Variants in MSR1 observed in about 807,000 individuals in gnomAD.
MSR1 encodes macrophage scavenger receptor 1.
MSR1 carries 53 observed loss-of-function variants against 47.2 expected under a neutral mutation model. The observed-to-expected ratio is 1.12, with a 90% confidence interval of 0.90 to 1.41. The LOEUF is 1.41. Among genes scored for constraint, MSR1 ranks in the 40% most tolerant of loss-of-function variants. The pLI, the probability that MSR1 is intolerant of heterozygous loss-of-function variation, is 0.00. For missense variants in MSR1, 786 were observed against 546.9 expected, an observed-to-expected ratio of 1.44 and a Z score of -4.36; for synonymous variants, 239 against 185.6, an observed-to-expected ratio of 1.29 and a Z score of -2.34.
chr8:16,152,190 T>A (rs1461994941), intron 6 of MSR1, among the ~76,000 whole-genome samples: 2 of 152,078 alleles, frequency 1.3e-5, no homozygotes, highest in African/African-American at 4.8e-5. Context: ...CAGTTAGCAG[T>A]GACATTTTTT....
intron 8 of MSR1, among the ~76,000 whole-genome samples, chr8:16,121,764 A>G (rs1585137198): frequency 6.6e-6 from 1 of 152,022 alleles, no homozygotes; most frequent in East Asian, 1.9e-4. Flanking sequence ...AATTTTCATA[A>G]CAAAAATATC....
chr8:16,129,175 TAAA>T (rs1208153335), intron 8 of MSR1, among the ~76,000 whole-genome samples: 2 of 152,092 alleles, frequency 1.3e-5, no homozygotes, highest in Non-Finnish European at 1.5e-5. Context: ...TTCTAGGAAA[TAAA>T]AATGCAGAAT....
At chr8:16,166,699 CCT>C (rs1801321750) in intron 4 of MSR1, among the ~76,000 whole-genome samples, 1 of 152,000 alleles carries the variant, frequency 6.6e-6, no homozygotes, top group Non-Finnish European at 1.5e-5. Context: ...AAATGCCACC[CCT>C]GTCTTTCATT....
intron 6 of MSR1, among the ~76,000 whole-genome samples, chr8:16,153,149 GC>G (rs1800907097): frequency 6.6e-6 from 1 of 152,002 alleles, no homozygotes; most frequent in African/African-American, 2.4e-5. Flanking sequence ...ACTTGGTCAA[GC>G]TGAGTTTAGT....
At position 16,122,171 on chromosome 8, in the gene MSR1, G is replaced by A. The variant is rs905835927; in HGVS notation, c.1034-1565C>T. ...GGATAAGTCCTTCTTCACTTAATAAGCATAAGTTAAAAACACTTTAAAACA... is the reference window on the plus strand; with the variant it reads ...GGATAAGTCCTTCTTCACTTAATAAACATAAGTTAAAAACACTTTAAAACA... On this transcript the variant is annotated intron_variant, in intron 8 of 9. Transcript: ENST00000262101. Among the ~76,000 whole-genome samples, 9 of 151,886 alleles carry A rather than the reference G, an allele frequency of 5.9e-5. 1 individual carries two copies. The highest frequency in any genetic ancestry group is 2.2e-4 in the African/African-American group (9 of 41,344).
chr8:16,151,821 T>C (rs925867387), intron 6 of MSR1, among the ~76,000 whole-genome samples: 26 of 152,152 alleles, frequency 1.7e-4, no homozygotes, highest in African/African-American at 6.0e-4. Context: ...TCCTGCAAAG[T>C]AGCAGACTGG....
intron 8 of MSR1, among the ~76,000 whole-genome samples, chr8:16,127,807 A>G (rs752967274): frequency 1.3e-5 from 2 of 152,156 alleles, no homozygotes; most frequent in Non-Finnish European, 2.9e-5. Flanking sequence ...AATAGACTCT[A>G]TTTTGTGATT....
chr8:16,146,220 G>T (rs549600763), intron 7 of MSR1, among the ~76,000 whole-genome samples: 2 of 152,016 alleles, frequency 1.3e-5, no homozygotes, highest in East Asian at 3.9e-4. Flanking sequence ...CCTAAGCCTT[G>T]TGCTTCTTCC....
chr8:16,153,775 AG>A (rs1800924780), intron 6 of MSR1, among the ~76,000 whole-genome samples: 4 of 151,958 alleles, frequency 2.6e-5, no homozygotes, highest in African/African-American at 4.8e-5. Context: ...GCCTGTATGG[AG>A]GGGGTGATAG....
At position 16,177,007 on chromosome 8, in the gene MSR1, G is replaced by A. The variant is rs571292056; in HGVS notation, c.103+879C>T. The stretch of plus-strand genomic sequence containing the variant: ...CCTCCACCCATCCCCTTAGCGATAT[G>A]TATTTATATTTTGAGGTTTAGCAGA... On this transcript the variant is annotated intron_variant, in intron 2 of 9. Transcript: ENST00000262101. 2.0e-5 allele frequency among the ~76,000 whole-genome samples: 3 copies of A among 152,264 alleles called. No homozygotes were observed. The South Asian group carries it at 6.2e-4, about 32-fold the overall frequency.
At chr8:16,174,845 G>A (rs749871523) in intron 3 of MSR1, among the ~76,000 whole-genome samples, 1 of 152,004 alleles carries the variant, frequency 6.6e-6, no homozygotes, top group Non-Finnish European at 1.5e-5. Flanking sequence ...TTGGCAAAAT[G>A]AATACTTTTA....
At chr8:16,113,266 A>T (rs997316920) in intron 9 of MSR1, among the ~76,000 whole-genome samples, 1 of 151,942 alleles carries the variant, frequency 6.6e-6, no homozygotes, top group Admixed American at 6.6e-5. Context: ...ACCTCTTTTT[A>T]AAAAATGAAA....
At chr8:16,189,395 T>C (rs1465830086) in intron 1 of MSR1, among the ~76,000 whole-genome samples, 1 of 90,304 alleles carries the variant, frequency 1.1e-5, no homozygotes, top group Non-Finnish European at 1.9e-5. Context: ...AATCTTATTT[T>C]ATATATATTT....
At chr8:16,143,695 A>T (rs747854740) in intron 7 of MSR1, 84 bp from the exon 8 acceptor site, 50 of 948,004 alleles carry the variant, frequency 5.3e-5, no homozygotes, top group Non-Finnish European at 7.2e-5. Flanking sequence ...ATCACAAGGT[A>T]ATTAAAATAT....
At chr8:16,184,802 A>T (rs888196355) in intron 1 of MSR1, among the ~76,000 whole-genome samples, 1 of 151,390 alleles carries the variant, frequency 6.6e-6, no homozygotes, top group Non-Finnish European at 1.5e-5. Flanking sequence ...CTAACCTTTG[A>T]TTTATTTTTT....
intron 1 of MSR1, among the ~76,000 whole-genome samples, chr8:16,186,688 C>A (rs1802009898): frequency 6.6e-6 from 1 of 151,256 alleles, no homozygotes; most frequent in Admixed American, 6.6e-5. Flanking sequence ...GGCTGGAGTG[C>A]AGCCGTGTGA....
At chr8:16,188,891 T>A (rs562999007) in intron 1 of MSR1, among the ~76,000 whole-genome samples, 1 of 151,046 alleles carries the variant, frequency 6.6e-6, no homozygotes, top group Non-Finnish European at 1.5e-5. Context: ...ATGCCACATT[T>A]TCTTTACCCA....
chr8:16,119,598 T>A (rs1799950289), intron 9 of MSR1, among the ~76,000 whole-genome samples: 1 of 152,168 alleles, frequency 6.6e-6, no homozygotes, highest in Admixed American at 6.5e-5. Context: ...TATGCAGGTA[T>A]TTAACACAAT....
intron 7 of MSR1, among the ~76,000 whole-genome samples, chr8:16,147,267 T>G (rs1800726110): frequency 6.6e-6 from 1 of 152,134 alleles, no homozygotes; most frequent in South Asian, 2.1e-4. Flanking sequence ...TCTCTTCTCA[T>G]GTTTGTGTAT....
Sources: gnomAD v4.1 joint callset for allele counts (sites outside exome capture counted in the v4.1 genomes callset) on GRCh38, gnomAD v4.1.1 for gene constraint, MANE v1.5 for transcripts, NCBI Gene and HGNC (gene_info 2026-07-23, HGNC 2026-07-21) for gene names.